Variants in IFT80 observed in about 807,000 individuals in gnomAD.
IFT80 encodes intraflagellar transport 80, also known as intraflagellar transport protein 80 homolog.
IFT80 carries 79 observed loss-of-function variants against 107.9 expected under a neutral mutation model. The ratio of observed to expected loss-of-function variants is 0.73; its 90% CI spans 0.61 to 0.88. The LOEUF is 0.88. Among genes scored for constraint, IFT80 ranks in the 40% least tolerant of loss-of-function variants. The pLI is 0.00. For missense variants in IFT80, 797 were observed against 914.2 expected, an observed-to-expected ratio of 0.87 and a Z score of 1.65; for synonymous variants, 299 against 300.9, an observed-to-expected ratio of 0.99 and a Z score of 0.07.
intron 9 of IFT80, 50 bp from the exon 10 acceptor site, chr3:160,307,831 T>G (rs775392986): frequency 2.1e-5 from 20 of 938,158 alleles, no homozygotes; most frequent in Middle Eastern, 2.1e-4. Context: ...ATATCCAAAT[T>G]TTATTTAGAT....
intron 18 of IFT80, among the ~76,000 whole-genome samples, chr3:160,269,666 T>C (rs1352555090): frequency 6.6e-6 from 1 of 152,192 alleles, no homozygotes; most frequent in Non-Finnish European, 1.5e-5. Flanking sequence ...TACTTTCACA[T>C]GTGGGTTTTG....
In IFT80 at chr3:160,307,778, G is replaced by T. The variant is rs140972476; in HGVS notation, c.961C>A (p.Arg321Ser). 4 of 1,476,518 alleles carry T rather than the reference G, an allele frequency of 2.7e-6. No homozygotes were observed. The highest frequency in any genetic ancestry group is 1.4e-5 in the African/African-American group (1 of 72,250). The allele number at this position is 1,476,518 out of a possible 1,614,324, so 91.5% of individuals were successfully genotyped here. A position where few individuals can be genotyped will look rare whatever the true frequency, so the allele number is the denominator to read the frequency against. The change falls in exon 10 of 20, where the codon CGT becomes AGT. Residue 321 changes from arginine to serine, a missense_variant. Coordinates refer to ENST00000326448, the MANE Select transcript of IFT80 (RefSeq NM_020800.3). ...TCCACTGCATCATTAAGAACATTAC[G>T]AACCTAAACAAGGAAAAATAAAATA... ...TLTKRRAMQV[R>S]NVLNDAVDLL...
chr3:160,257,048 A>G lies in IFT80; in HGVS notation c.*1477T>C, dbSNP rs1331726328. 6.6e-6 allele frequency: 1 copy of G among 152,134 alleles called. No individual in the cohort carries two copies. Among genetic ancestry groups the G allele is most frequent in the Non-Finnish European group, 1.5e-5 (1 of 68,016 alleles). 9.4% of individuals were successfully genotyped at this position (152,134 alleles called of 1,614,324 possible). On this transcript the variant is annotated 3_prime_UTR_variant, in exon 20 of 20. Transcript: ENST00000326448. ...TGTGGTAAAATATACATAACATAAA[A>G]CCTTTTAACCATTTATTTTTAAACA...
At chr3:160,340,606 C>T (rs748678088) in intron 8 of IFT80, among the ~76,000 whole-genome samples, 1 of 152,290 alleles carries the variant, frequency 6.6e-6, no homozygotes, top group Non-Finnish European at 1.5e-5. Context: ...CTGCATTCCT[C>T]GGCTTGTGGT....
chr3:160,333,156 C>T, intron 8 of IFT80, among the ~76,000 whole-genome samples: 1 of 152,042 alleles, frequency 6.6e-6, no homozygotes, highest in East Asian at 1.9e-4. Flanking sequence ...TAATAAAATA[C>T]ATCATTAAAA....
intron 5 of IFT80, among the ~76,000 whole-genome samples, chr3:160,372,961 C>T (rs1407588332): frequency 6.6e-6 from 1 of 152,132 alleles, no homozygotes; most frequent in South Asian, 2.1e-4. Context: ...CAAAAACCAA[C>T]TCAAAATGAA....
At chr3:160,333,835 T>C (rs1169579366) in intron 8 of IFT80, among the ~76,000 whole-genome samples, 1 of 152,200 alleles carries the variant, frequency 6.6e-6, no homozygotes, top group East Asian at 1.9e-4. Flanking sequence ...AAGAAATATA[T>C]AAACCAGTAA....
intron 12 of IFT80, chr3:160,299,308 G>A (rs901531531): frequency 1.1e-6 from 1 of 918,790 alleles, no homozygotes; most frequent in Non-Finnish European, 1.4e-6. Context: ...CTATTTAGGA[G>A]AGTTATATTT....
At chr3:160,304,807 C>A (rs1330321040) in intron 10 of IFT80, among the ~76,000 whole-genome samples, 1 of 152,132 alleles carries the variant, frequency 6.6e-6, no homozygotes, top group East Asian at 1.9e-4. Flanking sequence ...TGATGACTTA[C>A]ATTTTGTCTG....
At chr3:160,325,861 T>C (rs1296629545) in intron 8 of IFT80, among the ~76,000 whole-genome samples, 1 of 152,136 alleles carries the variant, frequency 6.6e-6, no homozygotes, top group African/African-American at 2.4e-5. Context: ...TGTAGCATCA[T>C]GTTCGTGCTC....
At chr3:160,393,233 T>C (rs1390496157) in intron 1 of IFT80, among the ~76,000 whole-genome samples, 1 of 152,232 alleles carries the variant, frequency 6.6e-6, no homozygotes, top group Admixed American at 6.5e-5. Flanking sequence ...TCTGAGACTG[T>C]CTGTATATTC....
At chr3:160,378,678 G>A (rs1403833091) in intron 3 of IFT80, among the ~76,000 whole-genome samples, 1 of 151,654 alleles carries the variant, frequency 6.6e-6, no homozygotes, top group African/African-American at 2.4e-5. Context: ...CTGGCTTGAT[G>A]GGGCTCCCAC....
At chr3:160,310,226 T>C (rs4679881) in intron 9 of IFT80, among the ~76,000 whole-genome samples, 79,798 of 151,972 alleles carry the variant, frequency 0.53, 21,398 homozygotes, top group African/African-American at 0.56. Flanking sequence ...TCTTGTCACA[T>C]CAGAAAGCAA....
rs1196746429 is a variant in IFT80, at chr3:160,257,035, TACATA to T, written c.*1485_*1489del. On this transcript the variant is annotated 3_prime_UTR_variant, in exon 20 of 20. Transcript: ENST00000326448. ...TTTTTGCATTTATTGTGGTAAAATA[TACATA>T]ACATAAAACCTTTTAACCATTTATT... is the stretch of plus-strand genomic sequence containing the variant. 2 of 152,128 alleles carry T rather than the reference TACATA, an allele frequency of 1.3e-5. No homozygotes were observed. The highest frequency in any genetic ancestry group is 2.4e-5 in the African/African-American group (1 of 41,422). The allele number at this position is 152,128 out of a possible 1,614,324, so 9.4% of individuals were successfully genotyped here.
chr3:160,382,190 C>G (rs1001806678), intron 2 of IFT80, among the ~76,000 whole-genome samples: 1 of 152,076 alleles, frequency 6.6e-6, no homozygotes, highest in African/African-American at 2.4e-5. Context: ...AAAAAATAAT[C>G]AAGTGTCAAA....
chr3:160,355,555 C>T lies in IFT80; in HGVS notation c.777+458G>A, dbSNP rs544762793. ...CATGAAACACCACATCCAGCCATGTCCTCTGGTCTTAAAATGACTATTTTT... is the reference window on the plus strand; with the variant it reads ...CATGAAACACCACATCCAGCCATGTTCTCTGGTCTTAAAATGACTATTTTT... On this transcript the variant is annotated intron_variant, in intron 8 of 19. Coordinates refer to ENST00000326448, the MANE Select transcript of IFT80 (RefSeq NM_020800.3). Among the ~76,000 whole-genome samples the T allele has an allele frequency of 2.6e-5, 4 of 152,152 alleles. No homozygotes were observed. The South Asian group carries it at 8.3e-4, about 32-fold the overall frequency.
intron 6 of IFT80, among the ~76,000 whole-genome samples, chr3:160,360,187 G>T (rs1439779098): frequency 4.6e-5 from 7 of 152,182 alleles, no homozygotes; most frequent in Non-Finnish European, 1.0e-4. Flanking sequence ...GAAAACCATG[G>T]GATGAGAACT....
chr3:160,276,031 C>A (rs1714236873), intron 18 of IFT80, among the ~76,000 whole-genome samples: 2 of 151,916 alleles, frequency 1.3e-5, no homozygotes, highest in Admixed American at 1.3e-4. Context: ...CCATGCCCAG[C>A]TGCTTTTTTT....
At chr3:160,389,745 G>C (rs1462365337) in intron 1 of IFT80, among the ~76,000 whole-genome samples, 1 of 151,948 alleles carries the variant, frequency 6.6e-6, no homozygotes, top group African/African-American at 2.4e-5. Flanking sequence ...GGACATTTGG[G>C]TTGGTTCCAA....
Sources: gnomAD v4.1 joint callset for allele counts (sites outside exome capture counted in the v4.1 genomes callset) on GRCh38, gnomAD v4.1.1 for gene constraint, MANE v1.5 for transcripts, NCBI Gene and HGNC (gene_info 2026-07-23, HGNC 2026-07-21) for gene names.